FAM47E: variants seen among roughly 807,000 people sequenced by gnomAD.
The protein encoded by FAM47E is protein FAM47E.
FAM47E carries 32 observed loss-of-function variants against 41.6 expected under a neutral mutation model. The ratio of observed to expected loss-of-function variants is 0.77; its 90% CI spans 0.58 to 1.03. The LOEUF (loss-of-function observed/expected upper bound fraction) is 1.03. Ranked by LOEUF, FAM47E falls within the 50% of genes least tolerant of loss-of-function variation. The probability of loss-of-function intolerance (pLI) is 0.00; values close to 1 mark genes in which losing one functional copy is unlikely to be tolerated. For synonymous variants in FAM47E, 184 were observed against 188.7 expected (o/e 0.98, Z 0.20); for missense variants, 424 against 485.4 (o/e 0.87, Z 1.19).
Position 76,256,306 on chromosome 4 carries a change from A to G in FAM47E, c.203A>G (p.Gln68Arg), listed in dbSNP as rs564931011. ...GCPPCTGLVTQVPVEGFLPQI... is the reference protein window; with the variant it reads ...GCPPCTGLVTRVPVEGFLPQI... ...CCGCCTTGCACTGGTCTGGTGACTC[A>G]GGTCCCTGTGGAGGGCTTTCTGCCC... The change falls in exon 2 of 8, where the codon CAG becomes CGG. Residue 68 changes from glutamine to arginine, a missense_variant. By Grantham distance (43) the Gln-to-Arg change is conservative (BLOSUM62 1). Transcript: ENST00000424749. 5 of 1,551,706 alleles carry G rather than the reference A, an allele frequency of 3.2e-6. No individual in the cohort carries two copies. The South Asian group carries it at 4.8e-5, about 15-fold the overall frequency.
chr4:76,218,093 C>T (rs1029992545), intron 2 of FAM47E, among the ~76,000 whole-genome samples: 2 of 152,194 alleles, frequency 1.3e-5, no homozygotes, highest in African/African-American at 2.4e-5. Flanking sequence ...TTTGGGAAGC[C>T]AAGGCAGGAG....
intron 2 of FAM47E, among the ~76,000 whole-genome samples, chr4:76,256,727 A>C (rs1201522141): frequency 6.6e-6 from 1 of 152,178 alleles, no homozygotes. Flanking sequence ...CAACATGCAC[A>C]CTGCTCTCTT....
In FAM47E at chr4:76,256,233, C is replaced by T. The variant is rs1042343669; in HGVS notation, c.130C>T (p.Gln44Ter). 33 of 1,551,546 alleles carry T rather than the reference C, an allele frequency of 2.1e-5. No individual in the cohort carries two copies. The highest frequency in any genetic ancestry group is 4.8e-5 in the South Asian group (4 of 84,062). Residue 44 changes from glutamine to a stop codon, truncating the protein, a stop_gained, in exon 2 of 8, where the codon CAG becomes TAG. Coordinates refer to ENST00000424749, the MANE Select transcript of FAM47E (RefSeq NM_001136570.3). LOFTEE classifies it high-confidence loss of function. ...LKFPTSLHSRQLVFPRKGLDD... is the reference protein window; with the variant it reads ...LKFPTSLHSR ...GTTCCCCACCTCTCTGCACAGCCGG[C>T]AGTTGGTATTTCCAAGAAAGGGGCT... is the stretch of plus-strand genomic sequence containing the variant.
chr4:76,269,072 TA>T (rs1452150364), intron 4 of FAM47E: 3 of 315,478 alleles, frequency 9.5e-6, no homozygotes, highest in Non-Finnish European at 1.7e-5. Context: ...ATTTTATTGT[TA>T]GGACTTTCTT....
intron 2 of FAM47E, among the ~76,000 whole-genome samples, chr4:76,244,109 A>G (rs1578763704): frequency 6.6e-6 from 1 of 152,198 alleles, no homozygotes; most frequent in East Asian, 1.9e-4. Flanking sequence ...TCCATGGTGT[A>G]TATGTACCAC....
chr4:76,217,436 T>A, intron 1 of FAM47E: 1 of 399,716 alleles, frequency 2.5e-6, no homozygotes, highest in Non-Finnish European at 4.4e-6. Flanking sequence ...AGATTGTTCA[T>A]GAATAGATTA....
chr4:76,231,293 T>G (rs1733488317), intron 2 of FAM47E, among the ~76,000 whole-genome samples: 1 of 152,122 alleles, frequency 6.6e-6, no homozygotes, highest in South Asian at 2.1e-4. Context: ...CCTGGCAGGG[T>G]TTTCAGGATA....
intron 2 of FAM47E, chr4:76,234,338 T>A (rs1445013304): frequency 6.5e-6 from 1 of 152,788 alleles, no homozygotes; most frequent in Non-Finnish European, 1.5e-5. Context: ...TCAAAAATGT[T>A]GCAGGACTTT....
intron 4 of FAM47E, among the ~76,000 whole-genome samples, chr4:76,269,787 C>A (rs1343283100): frequency 2.0e-5 from 3 of 146,708 alleles, no homozygotes; most frequent in Non-Finnish European, 1.5e-5. Flanking sequence ...GATCCTGTCT[C>A]AAAAAAAAAA....
upstream of FAM47E, among the ~76,000 whole-genome samples, chr4:76,250,678 G>C (rs145381884): frequency 2.0e-5 from 3 of 152,172 alleles, no homozygotes; most frequent in East Asian, 5.8e-4. Flanking sequence ...CCTCCTCAAA[G>C]TAATAAAAAG....
chr4:76,233,334 G>GT (rs1733525812), intron 2 of FAM47E, among the ~76,000 whole-genome samples: 1 of 152,172 alleles, frequency 6.6e-6, no homozygotes, highest in Non-Finnish European at 1.5e-5. Flanking sequence ...CCAAAAAGCA[G>GT]TTTGTAACCT....
chr4:76,233,391 C>A (rs1733526525), intron 2 of FAM47E, among the ~76,000 whole-genome samples: 1 of 152,158 alleles, frequency 6.6e-6, no homozygotes, highest in Admixed American at 6.5e-5. Context: ...ATGCAGCCCA[C>A]CTATTTACAT....
At chr4:76,242,517 G>A (rs2109992788) in intron 2 of FAM47E, among the ~76,000 whole-genome samples, 1 of 152,298 alleles carries the variant, frequency 6.6e-6, no homozygotes, top group East Asian at 1.9e-4. Flanking sequence ...TTAGAGCAAT[G>A]TAAAAATGAC....
At chr4:76,246,959 T>C (rs12498798), upstream of FAM47E, among the ~76,000 whole-genome samples, 9,049 of 152,216 alleles carry the variant, frequency 0.059, 292 homozygotes, top group Middle Eastern at 0.088. Flanking sequence ...ATATGTAACA[T>C]GAAATTTGTA....
At chr4:76,276,264 G>A (rs952121628) in intron 5 of FAM47E, among the ~76,000 whole-genome samples, 18 of 152,050 alleles carry the variant, frequency 1.2e-4, no homozygotes, top group African/African-American at 3.4e-4. Context: ...ACAGACAAAC[G>A]ATCAGAAAAT....
chr4:76,235,276 CCG>C (rs955704231), intron 2 of FAM47E, among the ~76,000 whole-genome samples: 9 of 152,142 alleles, frequency 5.9e-5, no homozygotes, highest in African/African-American at 1.9e-4. Flanking sequence ...CGAGATCGCA[CCG>C]CTGCACTCCA....
At chr4:76,276,934 T>G (rs912646208) in intron 5 of FAM47E, among the ~76,000 whole-genome samples, 2 of 152,210 alleles carry the variant, frequency 1.3e-5, no homozygotes, top group Admixed American at 6.5e-5. Context: ...GGCTCGACTC[T>G]AGAATGCCCC....
At chr4:76,268,537 T>G in intron 3 of FAM47E, 123 bp from the exon 4 acceptor site, 1 of 957,470 alleles carries the variant, frequency 1.0e-6, no homozygotes, top group Non-Finnish European at 1.5e-6. Context: ...AATTTGTATG[T>G]GAGCTTGCAA....
chr4:76,252,349 CAAG>C (rs1389489614), intron 1 of FAM47E, among the ~76,000 whole-genome samples: 2 of 152,116 alleles, frequency 1.3e-5, no homozygotes, highest in Non-Finnish European at 2.9e-5. Context: ...AGAGCAGGAA[CAAG>C]AAGGTTTTTG....
Sources: allele counts gnomAD v4.1 joint callset (sites outside exome capture counted in the v4.1 genomes callset), GRCh38; gene constraint gnomAD v4.1.1; transcripts MANE v1.5; gene names NCBI Gene and HGNC (gene_info 2026-07-23, HGNC 2026-07-21).